The following SCAI variants were observed in gnomAD, a reference collection of about 807,000 sequenced individuals.
SCAI encodes suppressor of cancer cell invasion, also known as protein SCAI.
Under a neutral mutation model 92.2 loss-of-function variants are expected in SCAI, and 24 were observed. The ratio of observed to expected loss-of-function variants is 0.26; its 90% CI spans 0.19 to 0.37. The LOEUF (loss-of-function observed/expected upper bound fraction) is 0.37. Among genes scored for constraint, SCAI ranks in the 10% least tolerant of loss-of-function variants. The pLI is 1.00. For missense variants in SCAI, 450 were observed against 736.2 expected (o/e 0.61, Z 4.50); for synonymous variants, 261 against 258.6 (o/e 1.01, Z -0.09).
At chr9:125,073,770 T>C (rs1383276860) in intron 2 of SCAI, among the ~76,000 whole-genome samples, 4 of 151,978 alleles carry the variant, frequency 2.6e-5, no homozygotes, top group African/African-American at 9.7e-5. Flanking sequence ...AAAACAAAAA[T>C]AAAAATAAAA....
intron 2 of SCAI, among the ~76,000 whole-genome samples, chr9:125,115,564 A>G (rs1314414157): frequency 6.6e-6 from 1 of 152,102 alleles, no homozygotes; most frequent in African/African-American, 2.4e-5. Flanking sequence ...ATCAACACAA[A>G]TGAATCTCAA....
intron 9 of SCAI, among the ~76,000 whole-genome samples, chr9:125,016,341 T>C (rs1056982349): frequency 6.9e-4 from 103 of 149,872 alleles, no homozygotes; most frequent in South Asian, 1.5e-3. Context: ...TGAGCTGAGA[T>C]TGCACCACTG....
chr9:125,046,075 A>C (rs1228921271), intron 3 of SCAI, among the ~76,000 whole-genome samples: 2 of 150,828 alleles, frequency 1.3e-5, no homozygotes, highest in East Asian at 3.9e-4. Flanking sequence ...AGAGGAAAAG[A>C]AGTCATTTAT....
In SCAI at chr9:124,952,818, C is replaced by T; in HGVS notation, c.1810G>A (p.Asp604Asn). ...ACAGGGTTTTTGTTTTAATAGTCATCAATGGTATTCTCAAAGAACACGTTT... is the reference window on the plus strand; with the variant it reads ...ACAGGGTTTTTGTTTTAATAGTCATTAATGGTATTCTCAAAGAACACGTTT... Reference protein sequence around the residue: ...VRNVFFENTIDDY With the variant: ...VRNVFFENTINDY Residue 604 changes from aspartate to asparagine, a missense_variant, in exon 18 of 18, where the codon GAT becomes AAT. Around this residue, in one of 3 missense-constraint regions of SCAI, gnomAD observed 360 missense variants for 601.8 expected, o/e 0.60. Coordinates refer to ENST00000336505, the MANE Select transcript of SCAI (RefSeq NM_001144877.3). 6.2e-7 allele frequency: 1 copy of T among 1,612,004 alleles called. No individual in the cohort carries two copies. The highest frequency in any genetic ancestry group is 8.5e-7 in the Non-Finnish European group (1 of 1,179,272).
chr9:125,093,200 A>C (rs1264532114), intron 2 of SCAI, among the ~76,000 whole-genome samples: 1 of 152,072 alleles, frequency 6.6e-6, no homozygotes, highest in East Asian at 1.9e-4. Context: ...GTCTCTACTA[A>C]AAATACAAAA....
chr9:125,020,670 T>C lies in SCAI; in HGVS notation c.609+3A>G. ...GAATTTGAACTATTTAAAGTGTATT[T>C]ACCTTTACCAGATCCTTTACAACAT... is the stretch of plus-strand genomic sequence containing the variant. On this transcript the variant is annotated splice_donor_region_variant and intron_variant, in intron 7 of 17. Transcript: ENST00000336505. 7.7e-7 allele frequency: 1 copy of C among 1,304,622 alleles called. No individual in the cohort carries two copies. The highest frequency in any genetic ancestry group is 1.1e-6 in the Non-Finnish European group (1 of 922,488). The allele number at this position is 1,304,622 out of a possible 1,614,324, so 80.8% of individuals were successfully genotyped here. A position where few individuals can be genotyped will look rare whatever the true frequency, so the allele number is the denominator to read the frequency against.
chr9:125,092,871 C>T (rs1447973626), intron 2 of SCAI, among the ~76,000 whole-genome samples: 2 of 152,188 alleles, frequency 1.3e-5, no homozygotes, highest in Non-Finnish European at 2.9e-5. Flanking sequence ...CCCATTCATC[C>T]CCCATTCTCT....
At chr9:125,137,529 A>G (rs1835565913) in intron 2 of SCAI, among the ~76,000 whole-genome samples, 1 of 152,112 alleles carries the variant, frequency 6.6e-6, no homozygotes, top group Non-Finnish European at 1.5e-5. Context: ...ATATACCAAA[A>G]CCACATTGCT....
intron 9 of SCAI, among the ~76,000 whole-genome samples, chr9:125,008,502 T>A (rs979069974): frequency 9.9e-5 from 15 of 152,076 alleles, no homozygotes; most frequent in African/African-American, 3.6e-4. Flanking sequence ...AAAAATTTAA[T>A]CTATAAAACA....
At chr9:125,139,845 G>C (rs553974862) in intron 2 of SCAI, among the ~76,000 whole-genome samples, 2 of 152,314 alleles carry the variant, frequency 1.3e-5, no homozygotes, top group East Asian at 1.9e-4. Flanking sequence ...AGTTAAATGA[G>C]AGCTATCCAA....
At chr9:125,092,225 G>A (rs1358399603) in intron 2 of SCAI, among the ~76,000 whole-genome samples, 8 of 148,620 alleles carry the variant, frequency 5.4e-5, no homozygotes, top group East Asian at 4.0e-4. Context: ...TTGGGAAGCC[G>A]AGGGAGGTGG....
intron 2 of SCAI, among the ~76,000 whole-genome samples, chr9:125,059,085 G>GA (rs1255820412): frequency 5.3e-5 from 8 of 152,252 alleles, no homozygotes; most frequent in African/African-American, 1.9e-4. Context: ...ACTTCCAAGG[G>GA]AAAAAGTAAT....
chr9:125,081,674 G>A (rs1834221929), intron 2 of SCAI, among the ~76,000 whole-genome samples: 2 of 152,148 alleles, frequency 1.3e-5, no homozygotes, highest in Admixed American at 6.5e-5. Flanking sequence ...CCAAGTTCAA[G>A]CAATTTTCCT....
Position 125,097,427 on chromosome 9 carries a change from C to T in SCAI, c.99-41420G>A, listed in dbSNP as rs549580826. On this transcript the variant is annotated intron_variant, in intron 2 of 17. Coordinates refer to ENST00000336505, the MANE Select transcript of SCAI (RefSeq NM_001144877.3). ...CAACCTGGGAGACAGAGTGAGACTC[C>T]GTCTCGGGGAAAAAGTAATAATTTA... 1.3e-3 allele frequency among the ~76,000 whole-genome samples: 193 copies of T among 151,634 alleles called. 2 individuals carry two copies. The highest frequency in any genetic ancestry group is 4.5e-3 in the African/African-American group (186 of 41,326).
chr9:125,072,225 T>C (rs1833992591), intron 2 of SCAI, among the ~76,000 whole-genome samples: 1 of 152,162 alleles, frequency 6.6e-6, no homozygotes, highest in African/African-American at 2.4e-5. Flanking sequence ...GGTTTCACCA[T>C]GTTGGCCAGG....
chr9:125,042,664 C>CACACATAT, intron 3 of SCAI, among the ~76,000 whole-genome samples: 1 of 129,760 alleles, frequency 7.7e-6, no homozygotes, highest in Non-Finnish European at 1.6e-5. Flanking sequence ...CACACACACA[C>CACACATAT]ACATATACAA....
At chr9:125,143,193 C>A (rs1235190803) in intron 1 of SCAI, among the ~76,000 whole-genome samples, 192 bp downstream of exon 1, 6 of 151,720 alleles carry the variant, frequency 4.0e-5, no homozygotes, top group Non-Finnish European at 8.8e-5. Flanking sequence ...CCCCTCTCAC[C>A]TGGCCTCGAG....
chr9:125,029,797 T>C, intron 3 of SCAI, 58 bp from the exon 4 acceptor site: 2 of 1,010,114 alleles, frequency 2.0e-6, no homozygotes, highest in Non-Finnish European at 1.5e-6. Flanking sequence ...TTGGAAATTA[T>C]GTCTTGTGAT....
chr9:124,959,449 A>C (rs1331795935), intron 17 of SCAI, among the ~76,000 whole-genome samples: 1 of 147,732 alleles, frequency 6.8e-6, no homozygotes, highest in African/African-American at 2.5e-5. Flanking sequence ...CTTTGAGATA[A>C]GGCCTAGCAA....
Sources: allele counts gnomAD v4.1 joint callset (sites outside exome capture counted in the v4.1 genomes callset), GRCh38; gene constraint gnomAD v4.1.1; regional missense constraint gnomAD v4.1.1; transcripts MANE v1.5; gene names NCBI Gene and HGNC (gene_info 2026-07-23, HGNC 2026-07-21).